The following PTPN14 variants were observed in gnomAD, a reference collection of about 807,000 sequenced individuals.
PTPN14 encodes the protein tyrosine-protein phosphatase non-receptor type 14.
Under a neutral mutation model 126.8 loss-of-function variants are expected in PTPN14, and 53 were observed. The observed-to-expected ratio is 0.42, with a 90% confidence interval of 0.34 to 0.53. PTPN14 has a LOEUF of 0.53. Ranked by LOEUF, PTPN14 falls within the 20% of genes least tolerant of loss-of-function variation. The pLI, the probability that PTPN14 is intolerant of heterozygous loss-of-function variation, is 0.08. For synonymous variants in PTPN14, 630 were observed against 599.3 expected (o/e 1.05, Z -0.75); for missense variants, 1,257 against 1,552.9 (o/e 0.81, Z 3.20).
intron 1 of PTPN14, among the ~76,000 whole-genome samples, chr1:214,546,145 T>C (rs1462096264): frequency 6.6e-6 from 1 of 152,142 alleles, no homozygotes; most frequent in Non-Finnish European, 1.5e-5. Context: ...GCTCAGTGCT[T>C]CTCAAAATGC....
intron 11 of PTPN14, among the ~76,000 whole-genome samples, chr1:214,387,271 A>C (rs2102543665): frequency 6.6e-6 from 1 of 152,334 alleles, no homozygotes; most frequent in Middle Eastern, 3.4e-3. Context: ...GAAAAGGTAA[A>C]TTATTCAAGG....
rs1657856519 is a variant in PTPN14, at chr1:214,357,730, A to C, written c.*192T>G. On this transcript the variant is annotated 3_prime_UTR_variant, in exon 19 of 19. Transcript: ENST00000366956. ...ATAATAATTCACAAAAGTTATTCCA[A>C]AGGGGAAAAAAATAAATTATCTCAT... is the stretch of plus-strand genomic sequence containing the variant. 1.5e-5 allele frequency: 7 copies of C among 463,728 alleles called. No individual in the cohort carries two copies. The highest frequency in any genetic ancestry group is 2.3e-5 in the Non-Finnish European group (6 of 256,024). The allele number at this position is 463,728 out of a possible 1,614,324, so 28.7% of individuals were successfully genotyped here. A position where few individuals can be genotyped will look rare whatever the true frequency, so the allele number is the denominator to read the frequency against.
intron 3 of PTPN14, among the ~76,000 whole-genome samples, chr1:214,451,335 AT>A (rs1660269247): frequency 6.6e-6 from 1 of 151,188 alleles, no homozygotes; most frequent in African/African-American, 2.4e-5. Flanking sequence ...TAGTTTTTAT[AT>A]TTTTTTCTTT....
chr1:214,520,065 A>AAAAAATATATATATATAT, intron 1 of PTPN14, among the ~76,000 whole-genome samples: 1,587 of 70,446 alleles, frequency 0.023, 13 homozygotes, highest in Middle Eastern at 0.036. Flanking sequence ...AAAAAAAAAA[A>AAAAAATATATATATATAT]ATATATATAT....
chr1:214,533,843 CA>C (rs200765209), intron 1 of PTPN14, among the ~76,000 whole-genome samples: 162 of 64,444 alleles, frequency 2.5e-3, no homozygotes, highest in South Asian at 3.9e-3. Context: ...TCTCAAAAAA[CA>C]AAAAAAAAAA....
intron 1 of PTPN14, among the ~76,000 whole-genome samples, chr1:214,470,540 T>C (rs1660730425): frequency 6.6e-6 from 1 of 152,006 alleles, no homozygotes; most frequent in South Asian, 2.1e-4. Context: ...CCCAACACTT[T>C]TGGAGGCCGG....
intron 16 of PTPN14, among the ~76,000 whole-genome samples, chr1:214,370,361 G>T (rs188847659): frequency 1.8e-3 from 277 of 152,196 alleles, no homozygotes; most frequent in Middle Eastern, 3.4e-3. Context: ...GGCGATCAGA[G>T]AGGAGACTGG....
At chr1:214,370,109 T>C (rs1044233313) in intron 16 of PTPN14, among the ~76,000 whole-genome samples, 1 of 151,996 alleles carries the variant, frequency 6.6e-6, no homozygotes, top group African/African-American at 2.4e-5. Context: ...TGAAACCCCA[T>C]CTCTACTAAA....
At position 214,383,609 on chromosome 1, in the gene PTPN14, G is replaced by A. The variant is rs370626715; in HGVS notation, c.2246C>T (p.Pro749Leu). The change falls in exon 13 of 19, where the codon CCG becomes CTG. Residue 749 changes from proline (P) to leucine (L), a missense_variant. Coordinates refer to ENST00000366956, the MANE Select transcript of PTPN14 (RefSeq NM_005401.5). This position sits in a 1 kb window ranked among gnomAD's most constrained non-coding sequence, Gnocchi z 4.4. The stretch of plus-strand genomic sequence containing the variant: ...CTTCCTTGGACCGGGGTACTCAGGC[G>A]GGGGCTTGTTGGGGATGCGGGCCAG... ...AALARIPNKP[P>L]PEYPGPRKSV... 43 of 1,613,378 alleles carry A rather than the reference G, an allele frequency of 2.7e-5. No homozygotes were observed. In the Admixed American group the frequency reaches 2.8e-4, roughly 11 times the overall value.
At chr1:214,429,081 C>T (rs1040407940) in intron 3 of PTPN14, among the ~76,000 whole-genome samples, 4 of 152,166 alleles carry the variant, frequency 2.6e-5, no homozygotes, top group African/African-American at 9.7e-5. Flanking sequence ...TATTGCCTCA[C>T]TTTTTCATGT....
intron 8 of PTPN14, among the ~76,000 whole-genome samples, chr1:214,395,462 T>A (rs1384079877): frequency 6.6e-6 from 1 of 152,154 alleles, no homozygotes; most frequent in East Asian, 1.9e-4. Flanking sequence ...GAAGCAGGAA[T>A]GACAAGAAAG....
Position 214,354,332 on chromosome 1 carries a change from T to C in PTPN14, c.*3590A>G, listed in dbSNP as rs1357299828. Reference sequence around the variant, plus strand: ...GGTATTTTTACCTTCCCTGATCTTATTGTTTAGCTCCGACTGAATATTGCA... The same window carrying C: ...GGTATTTTTACCTTCCCTGATCTTACTGTTTAGCTCCGACTGAATATTGCA... On this transcript the variant is annotated 3_prime_UTR_variant, in exon 19 of 19. Coordinates refer to ENST00000366956, the MANE Select transcript of PTPN14 (RefSeq NM_005401.5). The C allele has an allele frequency of 2.0e-5, 3 of 152,266 alleles. No homozygotes were observed. Among genetic ancestry groups the C allele is most frequent in the African/African-American group, 4.8e-5 (2 of 41,476 alleles). The allele number at this position is 152,266 out of a possible 1,614,324, so 9.4% of individuals were successfully genotyped here. A position where few individuals can be genotyped will look rare whatever the true frequency, so the allele number is the denominator to read the frequency against.
chr1:214,461,668 G>A (rs1324070083), intron 2 of PTPN14, among the ~76,000 whole-genome samples: 1 of 151,934 alleles, frequency 6.6e-6, no homozygotes, highest in South Asian at 2.1e-4. Context: ...TATTTTGGCT[G>A]GGTGTGTGGC....
At chr1:214,386,742 G>T in intron 12 of PTPN14, 102 bp downstream of exon 12, 1 of 1,216,142 alleles carries the variant, frequency 8.2e-7, no homozygotes, top group Non-Finnish European at 1.2e-6. Flanking sequence ...TGACAAAGTT[G>T]AAAAGAAAGC....
rs1571978568 is a variant in PTPN14 at position 214,404,666 on chromosome 1, G to A, written c.511-1713C>T. Among the ~76,000 whole-genome samples the A allele has an allele frequency of 2.0e-5, 3 of 152,256 alleles. No individual in the cohort carries two copies. In the East Asian group the frequency reaches 5.8e-4, roughly 29 times the overall value. ...CATCTGCACCTGGGGCCTCCCTGAGGTATGTGCCCTGCCAGGGAGAGTGCG... is the reference window on the plus strand; with the variant it reads ...CATCTGCACCTGGGGCCTCCCTGAGATATGTGCCCTGCCAGGGAGAGTGCG... On this transcript the variant is annotated intron_variant, in intron 5 of 18. Coordinates refer to ENST00000366956, the MANE Select transcript of PTPN14 (RefSeq NM_005401.5).
intron 16 of PTPN14, among the ~76,000 whole-genome samples, chr1:214,371,390 A>T (rs1285499718): frequency 6.6e-6 from 1 of 152,166 alleles, no homozygotes; most frequent in Admixed American, 6.5e-5. Flanking sequence ...CTTTAGTAGG[A>T]GTCCCCTAGC....
intron 2 of PTPN14, among the ~76,000 whole-genome samples, chr1:214,460,056 G>A (rs542366780): frequency 6.6e-6 from 1 of 152,256 alleles, no homozygotes; most frequent in East Asian, 1.9e-4. Flanking sequence ...CTGGAACAGT[G>A]GCGTCAGCTG....
chr1:214,509,886 G>A (rs1356058096), intron 1 of PTPN14, among the ~76,000 whole-genome samples: 2 of 152,178 alleles, frequency 1.3e-5, no homozygotes, highest in Admixed American at 6.5e-5. Context: ...ACTATTGCAA[G>A]GACAGAAAAC....
chr1:214,510,602 A>G (rs916178798), intron 1 of PTPN14, among the ~76,000 whole-genome samples: 5 of 152,128 alleles, frequency 3.3e-5, no homozygotes, highest in Non-Finnish European at 7.4e-5. Flanking sequence ...AAAAACTCAC[A>G]CTCAGTTCTA....
Sources: gnomAD v4.1 joint callset for allele counts (sites outside exome capture counted in the v4.1 genomes callset) on GRCh38, gnomAD v4.1.1 for gene constraint, Gnocchi (gnomAD v3.1) non-coding constraint, MANE v1.5 for transcripts, NCBI Gene and HGNC (gene_info 2026-07-23, HGNC 2026-07-21) for gene names.